MGAM2: variants seen among roughly 807,000 people sequenced by gnomAD.
MGAM2 encodes probable maltase-glucoamylase 2.
In MGAM2, 98 loss-of-function variants were observed where a neutral mutation model predicts 96.1. The ratio of observed to expected loss-of-function variants is 1.02; its 90% CI spans 0.87 to 1.21. The LOEUF (loss-of-function observed/expected upper bound fraction) is 1.21. MGAM2 is among the 50% of genes most tolerant of loss of function. MGAM2 has a pLI of 0.00. For synonymous variants in MGAM2, 749 were observed against 414.8 expected (o/e 1.81, Z -9.79); for missense variants, 2,055 against 1,182.4 (o/e 1.74, Z -10.82).
In MGAM2 at chr7:142,148,697, G is replaced by C. The variant is rs571740827; in HGVS notation, c.1634+1124G>C. 6.6e-6 allele frequency among the ~76,000 whole-genome samples: 1 copy of C among 152,190 alleles called. No individual in the cohort carries two copies. Among genetic ancestry groups the C allele is most frequent in the African/African-American group, 2.4e-5 (1 of 41,452 alleles). On this transcript the variant is annotated intron_variant, in intron 15 of 47. Transcript: ENST00000477922. The surrounding 1 kb of genome is among the most constrained non-coding windows in gnomAD (Gnocchi z 4.2). ...TAATTTGAATTTGCAGCACAGATGC[G>C]GAAACTAAAGAGCTGCTGTGGATCC...
At chr7:142,184,027 C>T (rs1298165742) in intron 33 of MGAM2, among the ~76,000 whole-genome samples, 1 of 115,704 alleles carries the variant, frequency 8.6e-6, no homozygotes. Context: ...GGCTGGAGTG[C>T]AGTGGTATGA....
In MGAM2 at chr7:142,171,625, T is replaced by TCCACAACTGACAGAGGGAA. The variant is rs1563274156; in HGVS notation, c.3351+185_3351+186insCCACAACTGACAGAGGGAA. 3.6e-3 allele frequency among the ~76,000 whole-genome samples: 220 copies of TCCACAACTGACAGAGGGAA among 61,586 alleles called. 16 individuals carry two copies. The highest frequency in any genetic ancestry group is 0.02 in the African/African-American group (209 of 10,388). 40.4% of individuals were successfully genotyped at this position (61,586 alleles called of 152,430 possible). On this transcript the variant is annotated intron_variant, in intron 28 of 47. Transcript: ENST00000477922. Reference sequence around the variant, plus strand: ...AAAGGCATATATATATATATATATATATATATATATATATATATATATATA... The same window carrying TCCACAACTGACAGAGGGAA: ...AAAGGCATATATATATATATATATATCCACAACTGACAGAGGGAAATATATATATATATATATATATATA...
intron 12 of MGAM2, among the ~76,000 whole-genome samples, chr7:142,143,335 A>G (rs144456964): frequency 6.6e-6 from 1 of 152,304 alleles, no homozygotes; most frequent in African/African-American, 2.4e-5. Flanking sequence ...CATTTATAAA[A>G]TATTGCTTAT....
rs567518439 is a variant in MGAM2, at chr7:142,141,051, G to C, written c.1249G>C (p.Glu417Gln). The C allele has an allele frequency of 2.9e-6, 2 of 701,200 alleles. No homozygotes were observed. The highest frequency in any genetic ancestry group is 5.2e-6 in the Non-Finnish European group (2 of 384,406). The allele number at this position is 701,200 out of a possible 1,614,324, so 43.4% of individuals were successfully genotyped here. A position where few individuals can be genotyped will look rare whatever the true frequency, so the allele number is the denominator to read the frequency against. The change falls in exon 12 of 48, where the codon GAG becomes CAG. Residue 417 changes from glutamate (E) to glutamine (Q), a missense_variant. Physicochemically the swap from Glu to Gln is conservative, Grantham distance 29. Coordinates refer to ENST00000477922, the MANE Select transcript of MGAM2 (RefSeq NM_001293626.2). The part of the protein sequence containing the change: ...NPGISKNSNY[E>Q]PYNNGSLKRV... Reference sequence around the variant, plus strand: ...TGGCATCTCCAAAAACTCTAACTACGAGCCCTATAATAATGGAAGCCTAAA... The same window carrying C: ...TGGCATCTCCAAAAACTCTAACTACCAGCCCTATAATAATGGAAGCCTAAA...
chr7:142,200,097 A>G, intron 45 of MGAM2, 129 bp downstream of exon 45: 2 of 477,524 alleles, frequency 4.2e-6, no homozygotes, highest in South Asian at 4.5e-5. Context: ...ACATTTGGAG[A>G]ATTTTTCCAA....
At chr7:142,183,150 T>G (rs555079512) in intron 32 of MGAM2, 116 bp from the exon 33 acceptor site, 162 of 597,190 alleles carry the variant, frequency 2.7e-4, no homozygotes, top group Non-Finnish European at 4.7e-4. Flanking sequence ...TTTCATTTTA[T>G]TTTTGGTATT....
chr7:142,169,196 C>G (rs189684069), intron 26 of MGAM2, among the ~76,000 whole-genome samples: 1 of 151,908 alleles, frequency 6.6e-6, no homozygotes, highest in Non-Finnish European at 1.5e-5. Flanking sequence ...TATGGGAGGC[C>G]GAGGCAGGTG....
chr7:142,218,896 G>A (rs1797841122), intron 47 of MGAM2, among the ~76,000 whole-genome samples: 1 of 152,160 alleles, frequency 6.6e-6, no homozygotes, highest in African/African-American at 2.4e-5. Context: ...ATTCCCTAAA[G>A]CTGTTGAAGG....
chr7:142,141,062 T>C lies in MGAM2; in HGVS notation c.1260T>C (p.Asn420=), dbSNP rs1795210884. 2.8e-6 allele frequency: 2 copies of C among 701,924 alleles called. No individual in the cohort carries two copies. Among genetic ancestry groups the C allele is most frequent in the Admixed American group, 4.0e-5 (2 of 49,972 alleles). The allele number at this position is 701,924 out of a possible 1,614,324, so 43.5% of individuals were successfully genotyped here. A position where few individuals can be genotyped will look rare whatever the true frequency, so the allele number is the denominator to read the frequency against. Residue 420 remains asparagine (N), a synonymous_variant, in exon 12 of 48, where the codon AAT becomes AAC. Coordinates refer to ENST00000477922, the MANE Select transcript of MGAM2 (RefSeq NM_001293626.2). ...AAAACTCTAACTACGAGCCCTATAA[T>C]AATGGAAGCCTAAAGAGAGTGTGGA... ...ISKNSNYEPY[N]NGSLKRVWIL...
intron 24 of MGAM2, 33 bp downstream of exon 24, chr7:142,165,056 C>T: frequency 1.5e-6 from 1 of 664,402 alleles, no homozygotes. Flanking sequence ...AGGGCCCTTT[C>T]CAGAGGCCTT....
intron 23 of MGAM2, among the ~76,000 whole-genome samples, chr7:142,163,038 T>G (rs1435016047): frequency 6.6e-6 from 1 of 152,172 alleles, no homozygotes; most frequent in Non-Finnish European, 1.5e-5. Flanking sequence ...AGAACTAAAC[T>G]GCTTGCAACC....
chr7:142,210,578 T>G (rs919623269), intron 46 of MGAM2, among the ~76,000 whole-genome samples: 1 of 152,106 alleles, frequency 6.6e-6, no homozygotes, highest in African/African-American at 2.4e-5. Flanking sequence ...ACCAGGAAGT[T>G]CGAACTGGGC....
At chr7:142,185,005 TAACAC>T (rs1796651432) in intron 33 of MGAM2, 67 bp from the exon 34 acceptor site, 3 of 684,538 alleles carry the variant, frequency 4.4e-6, no homozygotes, top group Non-Finnish European at 8.0e-6. Flanking sequence ...CATCAGAGTC[TAACAC>T]ATGAAATATC....
intron 32 of MGAM2, among the ~76,000 whole-genome samples, chr7:142,180,249 T>C (rs73547341): frequency 0.096 from 14,540 of 152,162 alleles, 797 homozygotes; most frequent in East Asian, 0.15. Context: ...TTTCTTTTTT[T>C]CTCAATCTAG....
Position 142,198,714 on chromosome 7 carries a change from G to A in MGAM2, c.5023G>A (p.Glu1675Lys), listed in dbSNP as rs1315682067. 1.4e-6 allele frequency: 1 copy of A among 704,232 alleles called. No individual in the cohort carries two copies. Among genetic ancestry groups the A allele is most frequent in the Non-Finnish European group, 2.6e-6 (1 of 384,982 alleles). The allele number at this position is 704,232 out of a possible 1,614,324, so 43.6% of individuals were successfully genotyped here. ...AGGAGGCTACATCCTGCCCTGGCAA[G>A]AGCCTGCTATGAACACTCACTCCAG... Reference protein sequence around the residue: ...VRGGYILPWQEPAMNTHSSRQ... With the variant: ...VRGGYILPWQKPAMNTHSSRQ... The change falls in exon 44 of 48, where the codon GAG (glutamate) becomes AAG (lysine). Residue 1675 changes from glutamate to lysine, a missense_variant. Transcript: ENST00000477922.
Position 142,187,786 on chromosome 7 carries a change from G to C in MGAM2, c.4159G>C (p.Val1387Leu), listed in dbSNP as rs751862971. 4.3e-6 allele frequency: 3 copies of C among 702,690 alleles called. No individual in the cohort carries two copies. The highest frequency in any genetic ancestry group is 7.8e-6 in the Non-Finnish European group (3 of 384,874). The allele number at this position is 702,690 out of a possible 1,614,324, so 43.5% of individuals were successfully genotyped here. A position where few individuals can be genotyped will look rare whatever the true frequency, so the allele number is the denominator to read the frequency against. The change falls in exon 36 of 48, where the codon GTC becomes CTC. Residue 1387 changes from valine to leucine, a missense_variant. By Grantham distance (32) the Val-to-Leu change is conservative (BLOSUM62 1). Coordinates refer to ENST00000477922, the MANE Select transcript of MGAM2 (RefSeq NM_001293626.2). ...GCCATCAAATTTTGTGGATGGATCT[G>C]TCAGGGGCTGCAGCAATGAAATGCT... The part of the protein sequence containing the change: ...NEPSNFVDGS[V>L]RGCSNEMLNN...
At chr7:142,133,382 T>C (rs1274410798) in intron 6 of MGAM2, among the ~76,000 whole-genome samples, 2 of 150,766 alleles carry the variant, frequency 1.3e-5, no homozygotes, top group Non-Finnish European at 3.0e-5. Flanking sequence ...TAGGGGATTT[T>C]ATTGTTTTAA....
At chr7:142,196,901 C>A in intron 40 of MGAM2, 85 bp downstream of exon 40, 1 of 638,576 alleles carries the variant, frequency 1.6e-6, no homozygotes, top group Admixed American at 2.6e-5. Flanking sequence ...TACTCATTTC[C>A]TGAGAAAAAT....
intron 14 of MGAM2, among the ~76,000 whole-genome samples, chr7:142,146,942 T>A (rs1338731119): frequency 6.6e-6 from 1 of 152,056 alleles, no homozygotes; most frequent in African/African-American, 2.4e-5. Context: ...TGGTCAGGCT[T>A]GTCTTGAGCT....
Sources: allele counts gnomAD v4.1 joint callset (sites outside exome capture counted in the v4.1 genomes callset), GRCh38; gene constraint gnomAD v4.1.1; non-coding constraint Gnocchi (gnomAD v3.1); transcripts MANE v1.5; gene names NCBI Gene and HGNC (gene_info 2026-07-23, HGNC 2026-07-21).